Variants in DCAF17 observed in about 807,000 individuals in gnomAD.
DCAF17 encodes DDB1 and CUL4 associated factor 17, also known as DDB1- and CUL4-associated factor 17.
Under a neutral mutation model 66.0 loss-of-function variants are expected in DCAF17, and 48 were observed. The observed-to-expected ratio is 0.73, with a 90% confidence interval of 0.58 to 0.92. DCAF17 has a LOEUF of 0.92. Ranked by LOEUF, DCAF17 falls within the 40% of genes least tolerant of loss-of-function variation. The probability of loss-of-function intolerance (pLI) is 0.00; values close to 1 mark genes in which losing one functional copy is unlikely to be tolerated. For missense variants in DCAF17, 562 were observed against 622.8 expected (o/e 0.90, Z 1.04); for synonymous variants, 206 against 214.6 (o/e 0.96, Z 0.35).
chr2:171,479,782 T>C (rs1696657437), intron 12 of DCAF17: 1 of 407,754 alleles, frequency 2.5e-6, no homozygotes, highest in East Asian at 5.3e-5. Flanking sequence ...GAATTTCAAT[T>C]ATACTTTGAG....
intron 9 of DCAF17, among the ~76,000 whole-genome samples, chr2:171,473,289 A>G (rs1404563847): frequency 2.0e-5 from 3 of 152,150 alleles, no homozygotes; most frequent in African/African-American, 4.8e-5. Flanking sequence ...TTGGAGTCAG[A>G]TCTGCTGTTT....
chr2:171,446,285 C>T (rs910479919), intron 3 of DCAF17, among the ~76,000 whole-genome samples: 38 of 152,114 alleles, frequency 2.5e-4, no homozygotes, highest in Non-Finnish European at 1.2e-4. Flanking sequence ...CGGTGGCTCA[C>T]GCCTGTAATC....
intron 2 of DCAF17, among the ~76,000 whole-genome samples, chr2:171,441,682 ATCT>A (rs1694315067): frequency 6.6e-6 from 1 of 152,198 alleles, no homozygotes; most frequent in African/African-American, 2.4e-5. Flanking sequence ...TGGAGTTTCC[ATCT>A]TGCTGAGCTG....
At chr2:171,434,789 G>C (rs1693727734) in intron 1 of DCAF17, 86 bp downstream of exon 1, 2 of 1,388,748 alleles carry the variant, frequency 1.4e-6, no homozygotes, top group Non-Finnish European at 1.8e-6. Context: ...TTAACGCGCT[G>C]GGGCCTCCCT....
intron 6 of DCAF17, among the ~76,000 whole-genome samples, chr2:171,455,184 A>G (rs1189040243): frequency 1.4e-5 from 2 of 147,686 alleles, no homozygotes; most frequent in African/African-American, 5.0e-5. Context: ...GTTCCCCTCT[A>G]TGTGTCCATG....
chr2:171,468,643 C>A (rs1271059234), intron 8 of DCAF17, among the ~76,000 whole-genome samples: 1 of 152,138 alleles, frequency 6.6e-6, no homozygotes. Context: ...CACCTGCGGG[C>A]CACATATACC....
intron 2 of DCAF17, among the ~76,000 whole-genome samples, chr2:171,437,211 A>G (rs1694024702): frequency 6.6e-6 from 1 of 152,162 alleles, no homozygotes; most frequent in Non-Finnish European, 1.5e-5. Flanking sequence ...TAAAGGGTTT[A>G]TAGTTTTAGC....
At chr2:171,443,994 C>T (rs192296332) in intron 3 of DCAF17, among the ~76,000 whole-genome samples, 2 of 152,034 alleles carry the variant, frequency 1.3e-5, no homozygotes, top group Admixed American at 1.3e-4. Flanking sequence ...CGTTATTTTA[C>T]GTGTTAGGAA....
intron 8 of DCAF17, among the ~76,000 whole-genome samples, chr2:171,465,956 C>T (rs1336965252): frequency 6.6e-6 from 1 of 152,148 alleles, no homozygotes; most frequent in African/African-American, 2.4e-5. Flanking sequence ...TTCTTTCTTA[C>T]ATCAAATGCA....
At chr2:171,457,915 C>G in intron 6 of DCAF17, 56 bp from the exon 7 acceptor site, 1 of 1,335,632 alleles carries the variant, frequency 7.5e-7, no homozygotes, top group Non-Finnish European at 1.1e-6. Context: ...TGTGAACATT[C>G]AGAGGATTGG....
At chr2:171,434,902 A>G in intron 1 of DCAF17, 181 bp from the exon 2 acceptor site, 1 of 1,032,460 alleles carries the variant, frequency 9.7e-7, no homozygotes, top group Non-Finnish European at 1.4e-6. Flanking sequence ...CTTATGTCTT[A>G]CCTGGAAACA....
At position 171,481,533 on chromosome 2, in the gene DCAF17, A is replaced by G. The variant is rs1394452140; in HGVS notation, c.*419A>G. The G allele has an allele frequency of 2.2e-6, 1 of 454,700 alleles. No homozygotes were observed. Among genetic ancestry groups the G allele is most frequent in the African/African-American group, 2.0e-5 (1 of 50,166 alleles). 28.2% of individuals were successfully genotyped at this position (454,700 alleles called of 1,614,324 possible). ...AGACAAAAGTAAACATGCAGAAAGAAATCTTATATCCTCTATACCAAACTT... is the reference window on the plus strand; with the variant it reads ...AGACAAAAGTAAACATGCAGAAAGAGATCTTATATCCTCTATACCAAACTT... On this transcript the variant is annotated 3_prime_UTR_variant, in exon 14 of 14. Coordinates refer to ENST00000375255, the MANE Select transcript of DCAF17 (RefSeq NM_025000.4).
Position 171,483,144 on chromosome 2 carries a change from T to A in DCAF17, c.*2030T>A, listed in dbSNP as rs1200877010. Reference sequence around the variant, plus strand: ...ATGTGGGGAATTTGGATACCACACATAGCGAGAGACAATGAAGCATGCTTC... The same window carrying A: ...ATGTGGGGAATTTGGATACCACACAAAGCGAGAGACAATGAAGCATGCTTC... On this transcript the variant is annotated 3_prime_UTR_variant, in exon 14 of 14. Transcript: ENST00000375255. The A allele has an allele frequency of 6.6e-6, 3 of 454,008 alleles. No individual in the cohort carries two copies. The highest frequency in any genetic ancestry group is 2.0e-5 in the African/African-American group (1 of 50,010). The allele number at this position is 454,008 out of a possible 1,614,324, so 28.1% of individuals were successfully genotyped here.
At chr2:171,436,706 A>G (rs984058706) in intron 2 of DCAF17, among the ~76,000 whole-genome samples, 5 of 151,328 alleles carry the variant, frequency 3.3e-5, no homozygotes, top group Non-Finnish European at 7.4e-5. Flanking sequence ...ATGATTTCAA[A>G]TACTTTCTCC....
At position 171,445,868 on chromosome 2, in the gene DCAF17, A is replaced by C. The variant is rs149851281; in HGVS notation, c.321+2255A>C. Among the ~76,000 whole-genome samples the C allele has an allele frequency of 1.5e-3, 224 of 151,958 alleles. 4 individuals are homozygous for C. The East Asian group carries it at 0.016, about 11-fold the overall frequency. ...CAGCTAATTTTTGTATTTTTTGTAG[A>C]GGTGGGGTTTTGTCATGTTGCCTAG... is the stretch of plus-strand genomic sequence containing the variant. On this transcript the variant is annotated intron_variant, in intron 3 of 13. Coordinates refer to ENST00000375255, the MANE Select transcript of DCAF17 (RefSeq NM_025000.4).
At chr2:171,440,182 C>T (rs986028434) in intron 2 of DCAF17, among the ~76,000 whole-genome samples, 1 of 152,192 alleles carries the variant, frequency 6.6e-6, no homozygotes, top group Non-Finnish European at 1.5e-5. Flanking sequence ...TCTGCCATAT[C>T]TGAATCCAGT....
At position 171,458,031 on chromosome 2, in the gene DCAF17, T is replaced by C. The variant is rs1474908539; in HGVS notation, c.688T>C (p.Ser230Pro). The C allele has an allele frequency of 3.1e-6, 5 of 1,613,978 alleles. No homozygotes were observed. Among genetic ancestry groups the C allele is most frequent in the Non-Finnish European group, 2.5e-6 (3 of 1,179,990 alleles). The change falls in exon 7 of 14, where the codon TCA becomes CCA. Residue 230 changes from serine to proline, a missense_variant. Physicochemically the swap from Ser to Pro is moderately conservative, Grantham distance 74 (BLOSUM62 -1). This residue lies in a region of DCAF17 where 348 missense variants were observed against 355.9 expected (regional missense o/e 0.98). Transcript: ENST00000375255. ...TGGAATACTGATTGTGATGTACAGC[T>C]CAGGACTGGTCAGACTCTATAGCTT... Reference protein sequence around the residue: ...SHGILIVMYSSGLVRLYSFQT... With the variant: ...SHGILIVMYSPGLVRLYSFQT...
At chr2:171,460,535 TTATTATTA>T (rs1559276789) in intron 8 of DCAF17, among the ~76,000 whole-genome samples, 2 of 146,418 alleles carry the variant, frequency 1.4e-5, no homozygotes, top group Non-Finnish European at 3.0e-5. Flanking sequence ...ATTATTATTA[TTATTATTA>T]ATTTTGAGAC....
chr2:171,461,849 CT>C (rs5836337), intron 8 of DCAF17, among the ~76,000 whole-genome samples: 50,293 of 151,848 alleles, frequency 0.33, 9,569 homozygotes, highest in East Asian at 0.63. Flanking sequence ...CAGTGATCTG[CT>C]TTTTTTTCAC....
Sources: allele counts gnomAD v4.1 joint callset (sites outside exome capture counted in the v4.1 genomes callset), GRCh38; gene constraint gnomAD v4.1.1; regional missense constraint gnomAD v4.1.1; transcripts MANE v1.5; gene names NCBI Gene and HGNC (gene_info 2026-07-23, HGNC 2026-07-21).